The following SORCS2 variants were observed in gnomAD, a reference collection of about 807,000 sequenced individuals.
The protein encoded by SORCS2 is VPS10 domain-containing receptor SorCS2.
In SORCS2, 100 loss-of-function variants were observed where a neutral mutation model predicts 141.6. The ratio of observed to expected loss-of-function variants is 0.71; its 90% CI spans 0.60 to 0.83. The LOEUF (loss-of-function observed/expected upper bound fraction) is 0.83. Ranked by LOEUF, SORCS2 falls within the 40% of genes least tolerant of loss-of-function variation. The pLI, the probability that SORCS2 is intolerant of heterozygous loss-of-function variation, is 0.00. For synonymous variants in SORCS2, 789 were observed against 676.9 expected, an observed-to-expected ratio of 1.17 and a Z score of -2.57; for missense variants, 1,646 against 1,560.2, an observed-to-expected ratio of 1.05 and a Z score of -0.93.
chr4:7,571,742 T>G (rs1715409295), intron 3 of SORCS2, among the ~76,000 whole-genome samples: 1 of 152,080 alleles, frequency 6.6e-6, no homozygotes. Flanking sequence ...GCCAGCAGCT[T>G]CAAAGCCTCA....
At chr4:7,213,489 C>G (rs1728164124) in intron 1 of SORCS2, among the ~76,000 whole-genome samples, 1 of 152,196 alleles carries the variant, frequency 6.6e-6, no homozygotes, top group South Asian at 2.1e-4. Context: ...TTGTCGTAGC[C>G]TTGGAGGCGG....
At chr4:7,405,769 C>A (rs1724928531) in intron 2 of SORCS2, among the ~76,000 whole-genome samples, 1 of 152,058 alleles carries the variant, frequency 6.6e-6, no homozygotes, top group Admixed American at 6.5e-5. Context: ...GCTATAAGAT[C>A]ATGTCATCAG....
intron 1 of SORCS2, among the ~76,000 whole-genome samples, chr4:7,293,741 G>C (rs568960335): frequency 6.6e-6 from 1 of 152,190 alleles, no homozygotes; most frequent in African/African-American, 2.4e-5. Flanking sequence ...GTCTCAGTGC[G>C]TGGTGCCCAG....
intron 2 of SORCS2, among the ~76,000 whole-genome samples, chr4:7,440,893 A>G (rs779787327): frequency 6.6e-6 from 1 of 152,174 alleles, no homozygotes; most frequent in Non-Finnish European, 1.5e-5. Context: ...TAGGGGCTCA[A>G]TGGGGATGAA....
intron 1 of SORCS2, among the ~76,000 whole-genome samples, chr4:7,211,742 T>C (rs4689639): frequency 0.73 from 111,372 of 151,916 alleles, 41,064 homozygotes; most frequent in East Asian, 0.82. Context: ...TTAGGGAAGA[T>C]GCAGGTGTGA....
In SORCS2 at chr4:7,726,295, A is replaced by T. The variant is rs151227927; in HGVS notation, c.2746-485A>T. On this transcript the variant is annotated intron_variant, in intron 20 of 26. Transcript: ENST00000507866. Reference sequence around the variant, plus strand: ...GGGGGGCAGGCCTGGGGAGCTGTTGAGAAGGAAGGGGGTGCTGGGACCTCA... The same window carrying T: ...GGGGGGCAGGCCTGGGGAGCTGTTGTGAAGGAAGGGGGTGCTGGGACCTCA... Among the ~76,000 whole-genome samples, 948 of 152,290 alleles carry T rather than the reference A, an allele frequency of 6.2e-3. 7 individuals are homozygous for T. The highest frequency in any genetic ancestry group is 9.6e-3 in the Non-Finnish European group (651 of 68,006).
In SORCS2 at chr4:7,741,589, G is replaced by A. The variant is rs1712681235; in HGVS notation, c.*1325G>A. ...GGGGAGAACGCCAGAGCCCTGGCTG[G>A]TGATGTGCTGGCTGGGGGTGAATCC... On this transcript the variant is annotated 3_prime_UTR_variant, in exon 27 of 27. Coordinates refer to ENST00000507866, the MANE Select transcript of SORCS2 (RefSeq NM_020777.3). The A allele has an allele frequency of 4.5e-6, 1 of 223,232 alleles. No individual in the cohort carries two copies. The highest frequency in any genetic ancestry group is 8.7e-6 in the Non-Finnish European group (1 of 114,950). 13.8% of individuals were successfully genotyped at this position (223,232 alleles called of 1,614,324 possible). A position where few individuals can be genotyped will look rare whatever the true frequency, so the allele number is the denominator to read the frequency against.
chr4:7,445,695 G>A (rs749636721), intron 2 of SORCS2, among the ~76,000 whole-genome samples: 4 of 152,188 alleles, frequency 2.6e-5, no homozygotes, highest in Admixed American at 2.0e-4. Context: ...TGCTCAGGAT[G>A]TTGTGGCCCT....
intron 19 of SORCS2, among the ~76,000 whole-genome samples, chr4:7,724,852 A>AGTT (rs1223889529): frequency 2.9e-5 from 2 of 68,842 alleles, no homozygotes; most frequent in East Asian, 5.5e-4. Context: ...TGATGGTGGT[A>AGTT]GTGGTGATGG....
chr4:7,580,543 T>A (rs1451202418), intron 3 of SORCS2, among the ~76,000 whole-genome samples: 1 of 151,994 alleles, frequency 6.6e-6, no homozygotes, highest in Non-Finnish European at 1.5e-5. Context: ...ATACAAAGTA[T>A]TTATTGGCCT....
rs541140253 is a variant in SORCS2, at chr4:7,648,466, C to T, written c.814-5668C>T. ...AGCAGCGACCTTGGGACTCAGCCCC[C>T]GCCTTCCTCTGCCTGGGAGTATTTA... On this transcript the variant is annotated intron_variant, in intron 4 of 26. Transcript: ENST00000507866. The surrounding 1 kb of genome is among the most constrained non-coding windows in gnomAD (Gnocchi z 4.2). Among the ~76,000 whole-genome samples, 8 of 152,248 alleles carry T rather than the reference C, an allele frequency of 5.3e-5. No individual in the cohort carries two copies. The East Asian group carries it at 1.4e-3, about 26-fold the overall frequency.
At chr4:7,660,444 C>T (rs1402149599) in intron 5 of SORCS2, among the ~76,000 whole-genome samples, 1 of 152,210 alleles carries the variant, frequency 6.6e-6, no homozygotes, top group African/African-American at 2.4e-5. Flanking sequence ...CTATGGAACT[C>T]AGCCACTTGG....
In SORCS2 at chr4:7,477,576, C is replaced by T. The variant is rs892285718; in HGVS notation, c.549-53954C>T. ...GGATTGGCTAAGAGCTCTGCAAAGC[C>T]GGGGTCTGAGGCTCCCCTCTGCTTG... is the stretch of plus-strand genomic sequence containing the variant. On this transcript the variant is annotated intron_variant, in intron 2 of 26. Transcript: ENST00000507866. Among the ~76,000 whole-genome samples, 5 of 152,160 alleles carry T rather than the reference C, an allele frequency of 3.3e-5. No individual in the cohort carries two copies. In the East Asian group the frequency reaches 5.8e-4, roughly 18 times the overall value.
At chr4:7,587,068 C>T (rs1205100493) in intron 3 of SORCS2, among the ~76,000 whole-genome samples, 5 of 151,970 alleles carry the variant, frequency 3.3e-5, no homozygotes, top group Admixed American at 1.3e-4. Context: ...GGCGGGGCTG[C>T]CCTGGGAGGT....
intron 3 of SORCS2, among the ~76,000 whole-genome samples, chr4:7,577,048 A>G (rs985829845): frequency 6.6e-6 from 1 of 152,160 alleles, no homozygotes; most frequent in Non-Finnish European, 1.5e-5. Context: ...GTTTATTAGA[A>G]TTCGGCAAGG....
At chr4:7,428,193 A>T (rs1171783542) in intron 2 of SORCS2, among the ~76,000 whole-genome samples, 1 of 152,192 alleles carries the variant, frequency 6.6e-6, no homozygotes, top group Non-Finnish European at 1.5e-5. Context: ...CAACGGATTC[A>T]TATTCATTTA....
At chr4:7,285,982 A>AATCAGCAC (rs1054260942) in intron 1 of SORCS2, among the ~76,000 whole-genome samples, 35 of 152,206 alleles carry the variant, frequency 2.3e-4, no homozygotes, top group Non-Finnish European at 4.0e-4. Flanking sequence ...CACCACCATT[A>AATCAGCAC]ATCAGCACGG....
chr4:7,560,897 G>A (rs946787423), intron 3 of SORCS2, among the ~76,000 whole-genome samples: 2 of 152,188 alleles, frequency 1.3e-5, no homozygotes, highest in Non-Finnish European at 2.9e-5. Context: ...ATGTAGCCTT[G>A]GGAGGTAGGG....
At chr4:7,456,878 T>C (rs1031735961) in intron 2 of SORCS2, among the ~76,000 whole-genome samples, 2 of 151,990 alleles carry the variant, frequency 1.3e-5, no homozygotes, top group Non-Finnish European at 2.9e-5. Flanking sequence ...CCCTGGCATT[T>C]AGAAGTGGTT....
Sources: gnomAD v4.1 joint callset for allele counts (sites outside exome capture counted in the v4.1 genomes callset) on GRCh38, gnomAD v4.1.1 for gene constraint, Gnocchi (gnomAD v3.1) non-coding constraint, MANE v1.5 for transcripts, NCBI Gene and HGNC (gene_info 2026-07-23, HGNC 2026-07-21) for gene names.